ASIC2: variants seen among roughly 807,000 people sequenced by gnomAD.
ASIC2 encodes acid sensing ion channel subunit 2.
ASIC2 carries 25 observed loss-of-function variants against 57.3 expected under a neutral mutation model. The observed-to-expected ratio is 0.44, with a 90% CI of 0.32 to 0.61. ASIC2 has a LOEUF of 0.61. ASIC2 is among the 20% of genes least tolerant of loss of function. ASIC2 has a pLI of 0.06. For synonymous variants in ASIC2, 319 were observed against 307.5 expected (o/e 1.04, Z -0.39); for missense variants, 641 against 738.1 (o/e 0.87, Z 1.52).
In ASIC2 at chr17:33,231,219, A is replaced by T. The variant is rs561675255; in HGVS notation, c.708+60189T>A. On this transcript the variant is annotated intron_variant, in intron 1 of 9. Transcript: ENST00000225823. ...ACGTTCTCGCTATCAGGGTCAGGAC[A>T]TGGCATCAACTGGCTAGGTGTTCAT... 5.3e-5 allele frequency among the ~76,000 whole-genome samples: 8 copies of T among 152,330 alleles called. No homozygotes were observed. The South Asian group carries it at 1.4e-3, about 28-fold the overall frequency.
rs534362720 is a variant in ASIC2 at position 33,156,114 on chromosome 17, C to A, written c.709-44047G>T. Among the ~76,000 whole-genome samples, 4 of 150,984 alleles carry A rather than the reference C, an allele frequency of 2.6e-5. No homozygotes were observed. The South Asian group carries it at 8.4e-4, about 32-fold the overall frequency. On this transcript the variant is annotated intron_variant, in intron 1 of 9. Transcript: ENST00000225823. ...GAATTTCTCAAACTTAGATACACAT[C>A]AAAATCACCTAGGGAGCTTGTTTTT... is the stretch of plus-strand genomic sequence containing the variant.
At chr17:33,585,620 G>T (rs1041031604) in intron 1 of ASIC2, among the ~76,000 whole-genome samples, 5 of 152,136 alleles carry the variant, frequency 3.3e-5, no homozygotes, top group Non-Finnish European at 7.4e-5. Flanking sequence ...AAAGCCCCAG[G>T]AGTTGGTTGC....
intron 1 of ASIC2, among the ~76,000 whole-genome samples, chr17:34,132,864 T>G (rs891646754): frequency 2.6e-5 from 4 of 152,216 alleles, no homozygotes; most frequent in Non-Finnish European, 4.4e-5. Flanking sequence ...CCATCCATCC[T>G]GGAAGCCTGT....
intron 1 of ASIC2, among the ~76,000 whole-genome samples, chr17:33,533,253 G>A (rs1380705258): frequency 1.3e-5 from 2 of 152,138 alleles, no homozygotes; most frequent in African/African-American, 4.8e-5. Context: ...GGCTGAGGCA[G>A]GAGAATCGCT....
At chr17:33,479,155 C>T (rs1239711346) in intron 1 of ASIC2, among the ~76,000 whole-genome samples, 8 of 152,012 alleles carry the variant, frequency 5.3e-5, no homozygotes, top group African/African-American at 1.2e-4. Flanking sequence ...CGCACCACCA[C>T]GCCCAGCTAA....
chr17:33,961,875 T>C (rs963488866), intron 1 of ASIC2, among the ~76,000 whole-genome samples: 2 of 152,154 alleles, frequency 1.3e-5, no homozygotes, highest in South Asian at 4.1e-4. Flanking sequence ...TTCCAAACTG[T>C]AGCCCTGGGA....
chr17:33,151,329 G>T (rs1173893760), intron 1 of ASIC2, among the ~76,000 whole-genome samples: 1 of 150,860 alleles, frequency 6.6e-6, no homozygotes, highest in African/African-American at 2.4e-5. Context: ...AGCCGAGATA[G>T]CGCCACTGCA....
intron 1 of ASIC2, among the ~76,000 whole-genome samples, chr17:33,924,848 G>A (rs1915791092): frequency 6.6e-6 from 1 of 152,228 alleles, no homozygotes; most frequent in African/African-American, 2.4e-5. Flanking sequence ...AGACTCTGCA[G>A]AGGTGTGGTG....
intron 1 of ASIC2, among the ~76,000 whole-genome samples, chr17:34,023,827 G>A (rs1907274722): frequency 6.6e-6 from 1 of 152,224 alleles, no homozygotes; most frequent in East Asian, 1.9e-4. Flanking sequence ...TGCACAAAGG[G>A]TCTAAGACAG....
intron 1 of ASIC2, among the ~76,000 whole-genome samples, chr17:33,730,362 G>A (rs952740119): frequency 6.6e-6 from 1 of 152,164 alleles, no homozygotes; most frequent in African/African-American, 2.4e-5. Context: ...TCTCACTAAT[G>A]AGGACTAATT....
intron 1 of ASIC2, among the ~76,000 whole-genome samples, chr17:33,786,121 C>T (rs969107202): frequency 1.3e-5 from 2 of 152,118 alleles, no homozygotes; most frequent in Non-Finnish European, 1.5e-5. Flanking sequence ...TCTGTGCCCC[C>T]CCCTTGATCA....
intron 1 of ASIC2, among the ~76,000 whole-genome samples, chr17:33,978,670 AGAGTC>A (rs1690230420): frequency 6.6e-6 from 1 of 152,014 alleles, no homozygotes; most frequent in African/African-American, 2.4e-5. Flanking sequence ...GTGTGCTGGG[AGAGTC>A]GAGTCAAGGC....
At chr17:33,501,640 T>C (rs1914103765) in intron 1 of ASIC2, among the ~76,000 whole-genome samples, 3 of 152,232 alleles carry the variant, frequency 2.0e-5, no homozygotes, top group Admixed American at 1.3e-4. Flanking sequence ...TTTGATATGA[T>C]GTGCTTGGAG....
chr17:33,835,564 T>G (rs1913248972), intron 1 of ASIC2, among the ~76,000 whole-genome samples: 1 of 152,338 alleles, frequency 6.6e-6, no homozygotes. Flanking sequence ...TGTTGTCATC[T>G]CTGGGTTCAG....
chr17:33,862,789 C>G (rs1272784412), intron 1 of ASIC2, among the ~76,000 whole-genome samples: 1 of 152,192 alleles, frequency 6.6e-6, no homozygotes, highest in Non-Finnish European at 1.5e-5. Context: ...GCCATAATGG[C>G]CAGCCTTCTA....
intron 1 of ASIC2, among the ~76,000 whole-genome samples, chr17:33,755,222 G>A (rs981408349): frequency 6.6e-6 from 1 of 152,150 alleles, no homozygotes; most frequent in Non-Finnish European, 1.5e-5. Flanking sequence ...AGGAATGCTG[G>A]CAGCCACCAA....
intron 1 of ASIC2, among the ~76,000 whole-genome samples, chr17:33,695,396 T>A (rs1361880375): frequency 6.6e-6 from 1 of 152,150 alleles, no homozygotes; most frequent in African/African-American, 2.4e-5. Flanking sequence ...TGCAGGGGAT[T>A]GATGTATTTA....
intron 1 of ASIC2, among the ~76,000 whole-genome samples, chr17:33,497,658 AC>A (rs1338833794): frequency 1.3e-5 from 2 of 152,208 alleles, no homozygotes; most frequent in East Asian, 3.8e-4. Flanking sequence ...AGGGGAGGGC[AC>A]GAAGGTGCCA....
At chr17:33,105,218 G>A (rs1051658022) in intron 2 of ASIC2, among the ~76,000 whole-genome samples, 6 of 152,144 alleles carry the variant, frequency 3.9e-5, no homozygotes, top group African/African-American at 1.2e-4. Flanking sequence ...TAATCCCCAC[G>A]TGTCAAGGAA....
Sources: gnomAD v4.1 joint callset for allele counts (sites outside exome capture counted in the v4.1 genomes callset) on GRCh38, gnomAD v4.1.1 for gene constraint, MANE v1.5 for transcripts, NCBI Gene and HGNC (gene_info 2026-07-23, HGNC 2026-07-21) for gene names.